ITGB3: variants seen among roughly 807,000 people sequenced by gnomAD.
The protein encoded by ITGB3 is integrin beta-3.
ITGB3 carries 48 observed loss-of-function variants against 85.8 expected under a neutral mutation model. The observed-to-expected ratio is 0.56, with a 90% CI of 0.44 to 0.71. The LOEUF is 0.71. ITGB3 is among the 30% of genes least tolerant of loss of function. The pLI, the probability that ITGB3 is intolerant of heterozygous loss-of-function variation, is 0.00. For synonymous variants in ITGB3, 363 were observed against 395.6 expected, an observed-to-expected ratio of 0.92 and a Z score of 0.98; for missense variants, 861 against 1,019.1, an observed-to-expected ratio of 0.84 and a Z score of 2.11.
chr17:47,262,721 G>A (rs2065012692), intron 1 of ITGB3, among the ~76,000 whole-genome samples: 1 of 152,182 alleles, frequency 6.6e-6, no homozygotes, highest in South Asian at 2.1e-4. Context: ...TGCCCAGAGT[G>A]ATTTCTTCAC....
Position 47,287,111 on chromosome 17 carries a change from G to A in ITGB3, c.819G>A (p.Val273=). Residue 273 remains valine, a synonymous_variant, in exon 6 of 15, where the codon GTG becomes GTA. Transcript: ENST00000559488. ...GGAATGATGCATCCCACTTGCTGGT[G>A]TTTACCACTGATGCCAAGACTCATA... The part of the protein sequence containing the change: ...GWRNDASHLL[V]FTTDAKTHIA... The A allele has an allele frequency of 6.2e-7, 1 of 1,614,122 alleles. No homozygotes were observed. The highest frequency in any genetic ancestry group is 8.5e-7 in the Non-Finnish European group (1 of 1,179,980).
At chr17:47,272,981 G>A (rs1598684047) in intron 1 of ITGB3, among the ~76,000 whole-genome samples, 1 of 151,956 alleles carries the variant, frequency 6.6e-6, no homozygotes, top group Non-Finnish European at 1.5e-5. Context: ...CACCATGTTG[G>A]CCAGGCTGGT....
At chr17:47,281,522 A>T (rs1045984772) in intron 2 of ITGB3, among the ~76,000 whole-genome samples, 2 of 152,160 alleles carry the variant, frequency 1.3e-5, no homozygotes, top group African/African-American at 4.8e-5. Flanking sequence ...CCTAGGATTG[A>T]TCTTCTTTCC....
At position 47,311,032 on chromosome 17, in the gene ITGB3, A is replaced by G. The variant is rs2065212737; in HGVS notation, c.*828A>G. On this transcript the variant is annotated 3_prime_UTR_variant, in exon 15 of 15. Coordinates refer to ENST00000559488, the MANE Select transcript of ITGB3 (RefSeq NM_000212.3). The stretch of plus-strand genomic sequence containing the variant: ...AGAAGAAGTGTGTCACCCTTAGGCC[A>G]GCACCATCTCTTTACCTCCTAATTC... 6.5e-6 allele frequency: 1 copy of G among 153,624 alleles called. No individual in the cohort carries two copies. The highest frequency in any genetic ancestry group is 1.5e-5 in the Non-Finnish European group (1 of 68,760). 9.5% of individuals were successfully genotyped at this position (153,624 alleles called of 1,614,324 possible). A position where few individuals can be genotyped will look rare whatever the true frequency, so the allele number is the denominator to read the frequency against.
rs1220889628 is a variant in ITGB3, at chr17:47,310,342, G to A, written c.*138G>A. ...GGGTAGGTTGGGAGAATGTCAGTAT[G>A]TGGAAGTGTGGGTCTGTGTGTGTGT... is the stretch of plus-strand genomic sequence containing the variant. On this transcript the variant is annotated 3_prime_UTR_variant, in exon 15 of 15. Transcript: ENST00000559488. The A allele has an allele frequency of 5.2e-6, 4 of 771,836 alleles. No individual in the cohort carries two copies. The highest frequency in any genetic ancestry group is 1.7e-5 in the African/African-American group (1 of 58,556). 47.8% of individuals were successfully genotyped at this position (771,836 alleles called of 1,614,324 possible).
At chr17:47,259,027 C>A (rs1291861433) in intron 1 of ITGB3, among the ~76,000 whole-genome samples, 1 of 152,198 alleles carries the variant, frequency 6.6e-6, no homozygotes, top group Non-Finnish European at 1.5e-5. Flanking sequence ...ATCCGTTAAA[C>A]TTTGGAGGTG....
intron 1 of ITGB3, 127 bp from the exon 2 acceptor site, chr17:47,274,292 G>T: frequency 1.3e-6 from 1 of 788,566 alleles, no homozygotes; most frequent in Non-Finnish European, 2.2e-6. Flanking sequence ...CTGTGGTATG[G>T]TTAGGGTGTG....
rs1231109822 is a variant in ITGB3 at position 47,290,985 on chromosome 17, G to C, written c.1157G>C (p.Arg386Pro). 1.9e-6 allele frequency: 3 copies of C among 1,614,018 alleles called. No individual in the cohort carries two copies. The highest frequency in any genetic ancestry group is 2.5e-6 in the Non-Finnish European group (3 of 1,179,946). ...KIRSKVELEV[R>P]DLPEELSLSF... ...CGTTCTAAAGTAGAGCTGGAAGTGCGTGACCTCCCTGAAGAGTTGTCTCTA... is the reference window on the plus strand; with the variant it reads ...CGTTCTAAAGTAGAGCTGGAAGTGCCTGACCTCCCTGAAGAGTTGTCTCTA... The change falls in exon 9 of 15, where the codon CGT (arginine) becomes CCT (proline). Residue 386 changes from arginine (R) to proline (P), a missense_variant. Physicochemically the swap from Arg to Pro is moderately radical, Grantham distance 103. Coordinates refer to ENST00000559488, the MANE Select transcript of ITGB3 (RefSeq NM_000212.3).
At chr17:47,291,985 T>A (rs2065127450) in intron 9 of ITGB3, among the ~76,000 whole-genome samples, 154 bp from the exon 10 acceptor site, 1 of 152,204 alleles carries the variant, frequency 6.6e-6, no homozygotes, top group African/African-American at 2.4e-5. Flanking sequence ...CAGACCTTCA[T>A]ATAGGGAAGG....
intron 11 of ITGB3, 137 bp from the exon 12 acceptor site, chr17:47,300,341 G>A (rs1324132061): frequency 1.4e-5 from 10 of 691,820 alleles, no homozygotes; most frequent in African/African-American, 9.4e-5. Flanking sequence ...ACAGGCGCGC[G>A]CGCGCGTGTG....
chr17:47,257,097 A>T (rs2064993163), intron 1 of ITGB3, among the ~76,000 whole-genome samples: 1 of 152,230 alleles, frequency 6.6e-6, no homozygotes, highest in Non-Finnish European at 1.5e-5. Context: ...TAAATGAAAC[A>T]GAGGCACAAA....
chr17:47,299,244 G>T lies in ITGB3; in HGVS notation c.1691-64G>T, dbSNP rs1407948461. 9.6e-6 allele frequency: 14 copies of T among 1,459,402 alleles called. No homozygotes were observed. The East Asian group carries it at 2.7e-4, about 28-fold the overall frequency. The allele number at this position is 1,459,402 out of a possible 1,614,324, so 90.4% of individuals were successfully genotyped here. A position where few individuals can be genotyped will look rare whatever the true frequency, so the allele number is the denominator to read the frequency against. ...TGGGAGAGCAGGATGGTCGTGTGTAGCCTGCTGCCATGGGAGTGGAGCTCT... is the reference window on the plus strand; with the variant it reads ...TGGGAGAGCAGGATGGTCGTGTGTATCCTGCTGCCATGGGAGTGGAGCTCT... On this transcript the variant is annotated intron_variant, in intron 10 of 14. Coordinates refer to ENST00000559488, the MANE Select transcript of ITGB3 (RefSeq NM_000212.3). The surrounding 1 kb of genome is among the most constrained non-coding windows in gnomAD (Gnocchi z 5.1).
intron 1 of ITGB3, among the ~76,000 whole-genome samples, chr17:47,262,109 G>A (rs34491511): frequency 0.3 from 46,249 of 152,092 alleles, 7,375 homozygotes; most frequent in East Asian, 0.49. Context: ...AAGGGCATGC[G>A]TATTTTAAAT....
intron 10 of ITGB3, among the ~76,000 whole-genome samples, chr17:47,293,021 T>C (rs1187091999): frequency 6.6e-6 from 1 of 152,234 alleles, no homozygotes; most frequent in Non-Finnish European, 1.5e-5. Flanking sequence ...CTATCCAATA[T>C]GGTAGGCTTT....
chr17:47,309,953 T>C (rs2065206864), intron 14 of ITGB3, among the ~76,000 whole-genome samples, 186 bp from the exon 15 acceptor site: 1 of 151,300 alleles, frequency 6.6e-6, no homozygotes, highest in Non-Finnish European at 1.5e-5. Context: ...CATCTCCTCC[T>C]GTTATTTCCT....
intron 13 of ITGB3, among the ~76,000 whole-genome samples, chr17:47,307,050 T>C (rs1299968843): frequency 1.3e-5 from 2 of 152,196 alleles, no homozygotes; most frequent in Non-Finnish European, 2.9e-5. Context: ...GTTCCGTAGA[T>C]AAACTGTGAG....
chr17:47,274,481 A>G lies in ITGB3; in HGVS notation c.142A>G (p.Met48Val), dbSNP rs747375836. The change falls in exon 2 of 15, where the codon ATG (methionine) becomes GTG (valine). Residue 48 changes from methionine (M) to valine (V), a missense_variant. Met to Val is a conservative substitution (Grantham distance 21, BLOSUM62 1). Transcript: ENST00000559488. ...CCAGCAGTGCCTGGCTGTGAGCCCC[A>G]TGTGTGCCTGGTGCTCTGATGAGGT... is the stretch of plus-strand genomic sequence containing the variant. ...SCQQCLAVSPMCAWCSDEALP... is the reference protein window; with the variant it reads ...SCQQCLAVSPVCAWCSDEALP... The G allele has an allele frequency of 3.7e-6, 6 of 1,613,774 alleles. No individual in the cohort carries two copies. The African/African-American group carries it at 6.7e-5, about 18-fold the overall frequency.
chr17:47,300,729 A>T, intron 12 of ITGB3, 151 bp downstream of exon 12: 1 of 700,154 alleles, frequency 1.4e-6, no homozygotes, highest in Non-Finnish European at 2.6e-6. Context: ...TGGACACTTG[A>T]TGTGAGCTGG....
intron 14 of ITGB3, 101 bp downstream of exon 14, chr17:47,307,738 C>A: frequency 8.9e-7 from 1 of 1,128,814 alleles, no homozygotes; most frequent in African/African-American, 1.5e-5. Context: ...GTACCATCGT[C>A]TTTCCATTAT....
Sources: allele counts gnomAD v4.1 joint callset (sites outside exome capture counted in the v4.1 genomes callset), GRCh38; gene constraint gnomAD v4.1.1; non-coding constraint Gnocchi (gnomAD v3.1); transcripts MANE v1.5; gene names NCBI Gene and HGNC (gene_info 2026-07-23, HGNC 2026-07-21).